Variants in ANKS1B observed in about 807,000 individuals in gnomAD.
ANKS1B encodes the protein ankyrin repeat and sterile alpha motif domain containing 1B.
ANKS1B carries 36 observed loss-of-function variants against 148.3 expected under a neutral mutation model. That is an observed-to-expected ratio of 0.24 (90% CI 0.19 to 0.32). The LOEUF is 0.32. Among genes scored for constraint, ANKS1B ranks in the 10% least tolerant of loss-of-function variants. The probability of loss-of-function intolerance (pLI) is 1.00; values close to 1 mark genes in which losing one functional copy is unlikely to be tolerated. For synonymous variants in ANKS1B, 542 were observed against 560.8 expected (o/e 0.97, Z 0.47); for missense variants, 1,157 against 1,542.6 (o/e 0.75, Z 4.19).
intron 14 of ANKS1B, chr12:99,155,222 T>C (rs916493775): frequency 5.1e-6 from 5 of 988,132 alleles, no homozygotes; most frequent in Non-Finnish European, 7.1e-6. Flanking sequence ...TTCTTCTTCC[T>C]TTTTAAATGG....
intron 20 of ANKS1B, among the ~76,000 whole-genome samples, chr12:98,803,851 G>A (rs2099027110): frequency 6.6e-6 from 1 of 152,152 alleles, no homozygotes; most frequent in Non-Finnish European, 1.5e-5. Flanking sequence ...TTTAATGTGA[G>A]TTCCATACAT....
intron 12 of ANKS1B, among the ~76,000 whole-genome samples, chr12:99,354,800 C>T (rs952733914): frequency 1.7e-4 from 26 of 152,010 alleles, no homozygotes; most frequent in African/African-American, 4.1e-4. Context: ...AAAAACCACC[C>T]AGAAGTTTTT....
chr12:99,392,712 A>C (rs185466394), intron 12 of ANKS1B, among the ~76,000 whole-genome samples: 1 of 152,316 alleles, frequency 6.6e-6, no homozygotes, highest in Non-Finnish European at 1.5e-5. Flanking sequence ...TTCACAACAC[A>C]ACTATCCAGA....
At chr12:99,012,737 T>C (rs1304043191) in intron 17 of ANKS1B, among the ~76,000 whole-genome samples, 1 of 152,206 alleles carries the variant, frequency 6.6e-6, no homozygotes, top group African/African-American at 2.4e-5. Flanking sequence ...ACTTTGCTTA[T>C]ATTAGTTTTA....
In ANKS1B at chr12:99,527,378, G is replaced by A. The variant is rs140878242; in HGVS notation, c.1273-22737C>T. ...ATAGGTATCAAAATTTTAAAATCACGTACCCTTTAATAAAATAAATAAGTA... is the reference window on the plus strand; with the variant it reads ...ATAGGTATCAAAATTTTAAAATCACATACCCTTTAATAAAATAAATAAGTA... On this transcript the variant is annotated intron_variant, in intron 9 of 26. Coordinates refer to ENST00000683438, the MANE Select transcript of ANKS1B (RefSeq NM_001352186.2). Among the ~76,000 whole-genome samples, 753 of 152,148 alleles carry A rather than the reference G, an allele frequency of 4.9e-3. 8 individuals are homozygous for A. The highest frequency in any genetic ancestry group is 0.026 in the South Asian group (126 of 4,820).
chr12:99,549,969 TATA>T (rs2097203400), intron 9 of ANKS1B, among the ~76,000 whole-genome samples: 1 of 152,196 alleles, frequency 6.6e-6, no homozygotes, highest in Admixed American at 6.5e-5. Flanking sequence ...CGCTCGGACC[TATA>T]ATTACTCCAG....
At chr12:98,833,319 G>A (rs2099338741) in intron 17 of ANKS1B, among the ~76,000 whole-genome samples, 1 of 152,160 alleles carries the variant, frequency 6.6e-6, no homozygotes, top group African/African-American at 2.4e-5. Context: ...TCCAAAGCAT[G>A]TTTTACTCCA....
chr12:99,751,783 T>A (rs1410210025), intron 8 of ANKS1B, among the ~76,000 whole-genome samples: 1 of 151,992 alleles, frequency 6.6e-6, no homozygotes, highest in Non-Finnish European at 1.5e-5. Context: ...ACAACCACCA[T>A]AAGTACTATT....
chr12:99,545,713 C>G (rs1043356758), intron 9 of ANKS1B, among the ~76,000 whole-genome samples: 3 of 150,650 alleles, frequency 2.0e-5, no homozygotes, highest in African/African-American at 7.3e-5. Flanking sequence ...AACAAAGCAC[C>G]ATTTCCATGT....
At chr12:99,175,442 T>G (rs532270194) in intron 14 of ANKS1B, among the ~76,000 whole-genome samples, 22 of 152,354 alleles carry the variant, frequency 1.4e-4, no homozygotes, top group Admixed American at 9.8e-4. Context: ...TGAAGGTAAT[T>G]TAACACAATA....
At chr12:98,888,516 T>C (rs972431322) in intron 17 of ANKS1B, among the ~76,000 whole-genome samples, 1 of 152,224 alleles carries the variant, frequency 6.6e-6, no homozygotes, top group South Asian at 2.1e-4. Context: ...CTGCTTCATA[T>C]TGTCTTTAGA....
At chr12:99,495,124 G>T (rs1291194004) in intron 10 of ANKS1B, among the ~76,000 whole-genome samples, 1 of 152,136 alleles carries the variant, frequency 6.6e-6, no homozygotes, top group East Asian at 1.9e-4. Context: ...ATGAACTTAT[G>T]AATTAATGAA....
At chr12:99,818,371 T>A (rs748653001) in intron 2 of ANKS1B, among the ~76,000 whole-genome samples, 3 of 151,868 alleles carry the variant, frequency 2.0e-5, no homozygotes, top group Non-Finnish European at 4.4e-5. Flanking sequence ...ATTCTGCTGC[T>A]ATAAACATGC....
rs149404699 is a variant in ANKS1B, at chr12:98,748,955, C to T, written c.3747+2400G>A. ...AAAACATTCTGCAAATTCCTGGACA[C>T]TTAGCAGCCTAATCAATCTCAAAGA... On this transcript the variant is annotated intron_variant, in intron 26 of 26. Coordinates refer to ENST00000683438, the MANE Select transcript of ANKS1B (RefSeq NM_001352186.2). Among the ~76,000 whole-genome samples the T allele has an allele frequency of 1.1e-3, 164 of 152,310 alleles. 2 individuals carry two copies. In the East Asian group the frequency reaches 0.024, roughly 22 times the overall value.
At chr12:99,248,685 TAAG>T (rs569728987) in intron 12 of ANKS1B, among the ~76,000 whole-genome samples, 1 of 152,328 alleles carries the variant, frequency 6.6e-6, no homozygotes, top group East Asian at 1.9e-4. Flanking sequence ...TGTGCATTTT[TAAG>T]AAGTCAAAAC....
intron 4 of ANKS1B, among the ~76,000 whole-genome samples, chr12:99,803,247 T>C (rs1409380711): frequency 7.0e-6 from 1 of 142,086 alleles, no homozygotes; most frequent in Non-Finnish European, 1.5e-5. Flanking sequence ...TTGGTAACAA[T>C]TAATTTGAGT....
At chr12:99,883,903 G>C (rs2092686585) in intron 1 of ANKS1B, among the ~76,000 whole-genome samples, 1 of 152,012 alleles carries the variant, frequency 6.6e-6, no homozygotes, top group South Asian at 2.1e-4. Flanking sequence ...GTGACAGAGT[G>C]AGACTCTGTC....
chr12:99,398,746 C>G (rs558449314), intron 12 of ANKS1B, among the ~76,000 whole-genome samples: 1 of 152,204 alleles, frequency 6.6e-6, no homozygotes, highest in East Asian at 1.9e-4. Context: ...CCATAGCCAT[C>G]ACTTACCAAT....
At chr12:99,124,419 T>TGTGTGTGTGTGTGTGTGTGTGTGG (rs1555273713) in intron 15 of ANKS1B, among the ~76,000 whole-genome samples, 1,472 of 20,210 alleles carry the variant, frequency 0.073, 26 homozygotes, top group African/African-American at 0.22. Context: ...TTTGTGTGCA[T>TGTGTGTGTGTGTGTGTGTGTGTGG]GTGTGTGTGT....
Sources: gnomAD v4.1 joint callset for allele counts (sites outside exome capture counted in the v4.1 genomes callset) on GRCh38, gnomAD v4.1.1 for gene constraint, MANE v1.5 for transcripts, NCBI Gene and HGNC (gene_info 2026-07-23, HGNC 2026-07-21) for gene names.